The following PTPRC variants were observed in gnomAD, a reference collection of about 807,000 sequenced individuals.
PTPRC encodes receptor-type tyrosine-protein phosphatase C.
A neutral mutation model predicts 155.9 loss-of-function variants in PTPRC; 44 were observed. The ratio of observed to expected loss-of-function variants is 0.28; its 90% CI spans 0.22 to 0.36. The LOEUF (loss-of-function observed/expected upper bound fraction) is 0.36, where lower values mean the gene tolerates loss of function less well. Among genes scored for constraint, PTPRC ranks in the 10% least tolerant of loss-of-function variants. The pLI is 1.00. For synonymous variants in PTPRC, 525 were observed against 533.1 expected, an observed-to-expected ratio of 0.98 and a Z score of 0.21; for missense variants, 1,401 against 1,564.6, an observed-to-expected ratio of 0.90 and a Z score of 1.76.
chr1:198,641,748 A>G (rs1333042905), intron 2 of PTPRC, among the ~76,000 whole-genome samples: 1 of 152,060 alleles, frequency 6.6e-6, no homozygotes, highest in Non-Finnish European at 1.5e-5. Context: ...CAGATCTACC[A>G]CACTATAGCA....
At chr1:198,678,831 C>T (rs890720725) in intron 2 of PTPRC, among the ~76,000 whole-genome samples, 2 of 151,450 alleles carry the variant, frequency 1.3e-5, no homozygotes, top group African/African-American at 4.9e-5. Context: ...TTTTCCCCCC[C>T]AGTTTTTTCT....
At chr1:198,755,023 A>G (rs571537301) in intron 32 of PTPRC, among the ~76,000 whole-genome samples, 1 of 152,262 alleles carries the variant, frequency 6.6e-6, no homozygotes, top group South Asian at 2.1e-4. Context: ...AGCAAGTTCC[A>G]CAAGGGAAAG....
At chr1:198,746,983 AAT>A (rs1192175176) in intron 26 of PTPRC, among the ~76,000 whole-genome samples, 1 of 151,818 alleles carries the variant, frequency 6.6e-6, no homozygotes, top group African/African-American at 2.4e-5. Context: ...ATGCTGAAAA[AAT>A]ATATGTCTAT....
chr1:198,721,747 A>G (rs1316352311), intron 14 of PTPRC, among the ~76,000 whole-genome samples: 1 of 151,852 alleles, frequency 6.6e-6, no homozygotes, highest in African/African-American at 2.4e-5. Flanking sequence ...TAAATTATAT[A>G]TTCTCCATAG....
chr1:198,723,673 A>T (rs561067958), intron 15 of PTPRC, among the ~76,000 whole-genome samples: 1 of 152,342 alleles, frequency 6.6e-6, no homozygotes, highest in African/African-American at 2.4e-5. Context: ...AATAGGCCAG[A>T]TCTGAAACAT....
At position 198,692,685 on chromosome 1, in the gene PTPRC, T is replaced by C. The variant is rs1400196883; in HGVS notation, c.100+312T>C. 3 of 935,948 alleles carry C rather than the reference T, an allele frequency of 3.2e-6. No homozygotes were observed. The African/African-American group carries it at 5.3e-5, about 17-fold the overall frequency. 58.0% of individuals were successfully genotyped at this position (935,948 alleles called of 1,614,324 possible). A position where few individuals can be genotyped will look rare whatever the true frequency, so the allele number is the denominator to read the frequency against. On this transcript the variant is annotated intron_variant, in intron 3 of 32. Coordinates refer to ENST00000442510, the MANE Select transcript of PTPRC (RefSeq NM_002838.5). ...TATTTTAAGACTATAAAAAAATGCA[T>C]TTAAATTAGATAACAAAATTTTATA...
intron 26 of PTPRC, 99 bp downstream of exon 26, chr1:198,744,302 T>G (rs1655043494): frequency 8.1e-7 from 1 of 1,233,058 alleles, no homozygotes; most frequent in Non-Finnish European, 1.2e-6. Context: ...AGTGCTTGCA[T>G]TTAGTCTTCA....
intron 23 of PTPRC, among the ~76,000 whole-genome samples, chr1:198,737,015 T>A (rs1654674484): frequency 6.6e-6 from 1 of 151,778 alleles, no homozygotes; most frequent in South Asian, 2.1e-4. Context: ...TTCAGATCTT[T>A]TGCCTATTTA....
At position 198,670,150 on chromosome 1, in the gene PTPRC, G is replaced by C. The variant is rs1664560750; in HGVS notation, c.74-22197G>C. Among the ~76,000 whole-genome samples the C allele has an allele frequency of 4.6e-5, 7 of 152,046 alleles. No homozygotes were observed. The South Asian group carries it at 1.5e-3, about 32-fold the overall frequency. On this transcript the variant is annotated intron_variant, in intron 2 of 32. Coordinates refer to ENST00000442510, the MANE Select transcript of PTPRC (RefSeq NM_002838.5). ...TGAAATAGATCATGAGTGAAACATA[G>C]ACCTGGTATAGCTTGACTGGGGCCT...
intron 10 of PTPRC, 77 bp downstream of exon 10, chr1:198,708,338 T>C: frequency 7.1e-7 from 1 of 1,416,524 alleles, no homozygotes; most frequent in Non-Finnish European, 9.8e-7. Flanking sequence ...TCTTACTCTC[T>C]GCCCTTTCTC....
chr1:198,716,992 A>C, intron 13 of PTPRC, 152 bp downstream of exon 13: 1 of 706,278 alleles, frequency 1.4e-6, no homozygotes. Flanking sequence ...AAAATCTAAA[A>C]GTTTAAAAAC....
chr1:198,703,162 C>A, intron 6 of PTPRC, 136 bp from the exon 7 acceptor site: 1 of 1,155,600 alleles, frequency 8.7e-7, no homozygotes, highest in Non-Finnish European at 1.2e-6. Context: ...ATTTTAAAAA[C>A]AAGCGAATGT....
chr1:198,735,184 G>T lies in PTPRC; in HGVS notation c.2335G>T (p.Val779Phe). ...AGAGGGCACTCGGGCTTTTGGAGAT[G>T]TTGTTGTAAAGATCAACCAGCACAA... ...MEEGTRAFGD[V>F]VVKINQHKRC... The change falls in exon 23 of 33, where the codon GTT (valine) becomes TTT (phenylalanine). Residue 779 changes from valine (V) to phenylalanine (F), a missense_variant. Physicochemically the swap from Val to Phe is conservative, Grantham distance 50 (BLOSUM62 -1). Coordinates refer to ENST00000442510, the MANE Select transcript of PTPRC (RefSeq NM_002838.5). 1 of 1,604,362 alleles carries T rather than the reference G, an allele frequency of 6.2e-7. No homozygotes were observed. Among genetic ancestry groups the T allele is most frequent in the East Asian group, 2.2e-5 (1 of 44,488 alleles).
intron 5 of PTPRC, chr1:198,700,037 T>G (rs1018544257): frequency 1.3e-5 from 5 of 394,586 alleles, no homozygotes; most frequent in African/African-American, 1.0e-4. Flanking sequence ...GCATAAATCT[T>G]TACTTAAAGA....
chr1:198,740,837 A>C (rs1359189792), intron 23 of PTPRC, among the ~76,000 whole-genome samples: 1 of 151,878 alleles, frequency 6.6e-6, no homozygotes, highest in African/African-American at 2.4e-5. Flanking sequence ...AAAAACTACA[A>C]GTCTTTACAT....
Position 198,756,249 on chromosome 1 carries a change from A to C in PTPRC, c.*68A>C, listed in dbSNP as rs534576178. ...TTATTTCTATTTTTGTAGAAGTAGG[A>C]AGTGAAAATAGGTATACAGTGGATT... is the stretch of plus-strand genomic sequence containing the variant. On this transcript the variant is annotated 3_prime_UTR_variant, in exon 33 of 33. Transcript: ENST00000442510. 172 of 1,579,096 alleles carry C rather than the reference A, an allele frequency of 1.1e-4. No homozygotes were observed. The African/African-American group carries it at 2.0e-3, about 19-fold the overall frequency.
At chr1:198,657,014 A>T (rs16843619) in intron 2 of PTPRC, among the ~76,000 whole-genome samples, 5,564 of 146,830 alleles carry the variant, frequency 0.038, 186 homozygotes, top group East Asian at 0.14. Context: ...GGATGGAATC[A>T]AGAGGTTTTT....
chr1:198,705,113 T>C (rs1192474881), intron 8 of PTPRC, among the ~76,000 whole-genome samples: 1 of 152,092 alleles, frequency 6.6e-6, no homozygotes, highest in Non-Finnish European at 1.5e-5. Context: ...GAAAACAGTT[T>C]GTCTCTCTTT....
chr1:198,726,165 A>G (rs1412973774), intron 15 of PTPRC, among the ~76,000 whole-genome samples: 1 of 152,216 alleles, frequency 6.6e-6, no homozygotes, highest in Non-Finnish European at 1.5e-5. Flanking sequence ...GTTTCTTGCA[A>G]AATCTTACTT....
Sources: allele counts gnomAD v4.1 joint callset (sites outside exome capture counted in the v4.1 genomes callset), GRCh38; gene constraint gnomAD v4.1.1; transcripts MANE v1.5; gene names NCBI Gene and HGNC (gene_info 2026-07-23, HGNC 2026-07-21).